The following VPS13D variants were observed in gnomAD, a reference collection of about 807,000 sequenced individuals.
VPS13D encodes the protein intermembrane lipid transfer protein VPS13D.
VPS13D carries 187 observed loss-of-function variants against 461.9 expected under a neutral mutation model. That is an observed-to-expected ratio of 0.40 (90% CI 0.36 to 0.46). The LOEUF is 0.46. VPS13D is among the 20% of genes least tolerant of loss of function. The probability of loss-of-function intolerance (pLI) is 0.60; values close to 1 mark genes in which losing one functional copy is unlikely to be tolerated. For missense variants in VPS13D, 4,711 were observed against 5,364.9 expected (o/e 0.88, Z 3.81); for synonymous variants, 1,951 against 1,986.3 (o/e 0.98, Z 0.47).
At position 12,362,706 on chromosome 1, in the gene VPS13D, C is replaced by T. The variant is rs201105130; in HGVS notation, c.10142-14C>T. The T allele has an allele frequency of 3.6e-4, 581 of 1,611,848 alleles. No homozygotes were observed. The highest frequency in any genetic ancestry group is 4.8e-4 in the Non-Finnish European group (569 of 1,179,160). On this transcript the variant is annotated splice_polypyrimidine_tract_variant and intron_variant, in intron 50 of 69. Coordinates refer to ENST00000620676, the MANE Select transcript of VPS13D (RefSeq NM_015378.4). ...TCATGGTTAACTCATAAAAGTGGTT[C>T]TTGTTATTTGTAGGTATTGATGTCA...
intron 25 of VPS13D, among the ~76,000 whole-genome samples, chr1:12,302,145 A>G (rs992841466): frequency 6.6e-6 from 1 of 152,210 alleles, no homozygotes; most frequent in African/African-American, 2.4e-5. Context: ...ACATATCTAA[A>G]TATAGAAAAG....
intron 27 of VPS13D, among the ~76,000 whole-genome samples, chr1:12,310,912 C>T (rs4997075): frequency 0.035 from 4,073 of 117,844 alleles, 131 homozygotes; most frequent in African/African-American, 0.1. Context: ...TCCCTCCTTC[C>T]CTCCCTCTCT....
intron 65 of VPS13D, among the ~76,000 whole-genome samples, chr1:12,418,047 C>T (rs1441039022): frequency 6.6e-6 from 1 of 152,182 alleles, no homozygotes; most frequent in Non-Finnish European, 1.5e-5. Flanking sequence ...GCTGGGATTA[C>T]AGGTGCCCGG....
At chr1:12,485,316 G>C (rs1434449126) in intron 67 of VPS13D, among the ~76,000 whole-genome samples, 4 of 152,196 alleles carry the variant, frequency 2.6e-5, no homozygotes, top group Non-Finnish European at 5.9e-5. Context: ...TGCAATGCAC[G>C]CAAACTGAAA....
At chr1:12,360,132 T>A (rs1192589153) in intron 50 of VPS13D, among the ~76,000 whole-genome samples, 1 of 152,234 alleles carries the variant, frequency 6.6e-6, no homozygotes, top group Non-Finnish European at 1.5e-5. Context: ...CTAAAGCTCA[T>A]GGCATATGTT....
At chr1:12,462,042 C>A (rs879918250) in intron 67 of VPS13D, among the ~76,000 whole-genome samples, 10 of 152,104 alleles carry the variant, frequency 6.6e-5, no homozygotes, top group Non-Finnish European at 1.5e-4. Context: ...TTATTCATTG[C>A]CTGTCAGTAA....
intron 67 of VPS13D, among the ~76,000 whole-genome samples, chr1:12,494,406 C>T (rs183630008): frequency 6.6e-6 from 1 of 152,216 alleles, no homozygotes; most frequent in African/African-American, 2.4e-5. Context: ...TGAGGGAGTC[C>T]ACTGAGTCAG....
chr1:12,258,476 G>A (rs538467932), intron 10 of VPS13D, among the ~76,000 whole-genome samples: 8 of 152,170 alleles, frequency 5.3e-5, no homozygotes, highest in Non-Finnish European at 1.0e-4. Context: ...TTTGGCCTAC[G>A]TTTTCTATAA....
At chr1:12,425,415 T>C (rs1644912543) in intron 65 of VPS13D, among the ~76,000 whole-genome samples, 1 of 152,014 alleles carries the variant, frequency 6.6e-6, no homozygotes, top group African/African-American at 2.4e-5. Context: ...AAAAATTAGC[T>C]AAGCGTGGTG....
In VPS13D at chr1:12,283,764, A is replaced by G. The variant is rs747921346; in HGVS notation, c.5634+28A>G. On this transcript the variant is annotated intron_variant, in intron 21 of 69. Transcript: ENST00000620676. Reference sequence around the variant, plus strand: ...ATCCTCAGTTCCCTTTGGCTCCCTTAAGCTCTAAAAATGGATTTGGGCTTG... The same window carrying G: ...ATCCTCAGTTCCCTTTGGCTCCCTTGAGCTCTAAAAATGGATTTGGGCTTG... The G allele has an allele frequency of 5.1e-6, 8 of 1,568,318 alleles. No individual in the cohort carries two copies. The South Asian group carries it at 8.1e-5, about 16-fold the overall frequency.
At chr1:12,379,717 T>TA (rs1047771458) in intron 57 of VPS13D, 121 bp downstream of exon 57, 3 of 623,664 alleles carry the variant, frequency 4.8e-6, no homozygotes, top group African/African-American at 3.8e-5. Context: ...GAGCAATACT[T>TA]ATTCTATTCC....
At chr1:12,361,800 A>AT (rs1643954932) in intron 50 of VPS13D, among the ~76,000 whole-genome samples, 1 of 151,840 alleles carries the variant, frequency 6.6e-6, no homozygotes, top group Non-Finnish European at 1.5e-5. Context: ...CTGTTTTCTT[A>AT]TTTTTTCCTA....
At chr1:12,435,932 C>T (rs1645054779) in intron 65 of VPS13D, among the ~76,000 whole-genome samples, 1 of 152,118 alleles carries the variant, frequency 6.6e-6, no homozygotes, top group Non-Finnish European at 1.5e-5. Context: ...GTCTGAGACA[C>T]TTAGTGAAGG....
chr1:12,248,286 G>C (rs577328189), intron 5 of VPS13D, among the ~76,000 whole-genome samples: 3 of 152,148 alleles, frequency 2.0e-5, no homozygotes, highest in African/African-American at 7.2e-5. Context: ...AGATTTGCAA[G>C]TACTTTCTCC....
chr1:12,479,963 G>A (rs1006738091), intron 67 of VPS13D, among the ~76,000 whole-genome samples: 1 of 152,174 alleles, frequency 6.6e-6, no homozygotes, highest in Non-Finnish European at 1.5e-5. Flanking sequence ...TAGCTGGGAA[G>A]CTTGGAAGGG....
In VPS13D at chr1:12,308,571, C is replaced by T. The variant is rs1420198859; in HGVS notation, c.6580C>T (p.Arg2194Ter). 1.9e-6 allele frequency: 3 copies of T among 1,612,914 alleles called. No individual in the cohort carries two copies. The highest frequency in any genetic ancestry group is 1.1e-5 in the South Asian group (1 of 91,034). ...GDLIFPSYFV[R>*]QTGGSLLTEP... ...TCTGATCTTCCCTTCCTATTTTGTGCGACAGACAGGAGGAAGCCTCTTAAC... is the reference window on the plus strand; with the variant it reads ...TCTGATCTTCCCTTCCTATTTTGTGTGACAGACAGGAGGAAGCCTCTTAAC... Residue 2194 changes from arginine (R) to a stop codon, truncating the protein, a stop_gained, in exon 27 of 70, where the codon CGA (arginine) becomes TGA (stop). Coordinates refer to ENST00000620676, the MANE Select transcript of VPS13D (RefSeq NM_015378.4). LOFTEE classifies it high-confidence loss of function.
rs1255865154 is a variant in VPS13D at position 12,277,247 on chromosome 1, T to C, written c.3659T>C (p.Leu1220Ser). The C allele has an allele frequency of 1.9e-6, 3 of 1,614,250 alleles. No homozygotes were observed. The highest frequency in any genetic ancestry group is 2.7e-5 in the African/African-American group (2 of 75,062). Residue 1220 changes from leucine to serine, a missense_variant, in exon 19 of 70, where the codon TTA becomes TCA. Leu to Ser is a moderately radical substitution (Grantham distance 145, BLOSUM62 -2). Transcript: ENST00000620676. The part of the protein sequence containing the change: ...TFDMNGSLGC[L>S]QLMDLTQDNV... ...GACATGAATGGTTCTCTTGGCTGTTTACAGCTTATGGATTTGACACAAGAT... is the reference window on the plus strand; with the variant it reads ...GACATGAATGGTTCTCTTGGCTGTTCACAGCTTATGGATTTGACACAAGAT...
chr1:12,401,643 A>T lies in VPS13D; in HGVS notation c.11820A>T (p.Gln3940His). 2 of 1,613,562 alleles carry T rather than the reference A, an allele frequency of 1.2e-6. No homozygotes were observed. Among genetic ancestry groups the T allele is most frequent in the Non-Finnish European group, 1.7e-6 (2 of 1,179,564 alleles). The change falls in exon 62 of 70, where the codon CAA becomes CAT. Residue 3940 changes from glutamine (Q) to histidine (H), a missense_variant. Gln to His is a conservative substitution (Grantham distance 24). Coordinates refer to ENST00000620676, the MANE Select transcript of VPS13D (RefSeq NM_015378.4). ...TCACAGCTCAGAGATTCACAGTGCA[A>T]ATTGAGGAGAAACTGCTCCTCAAGC... ...LMITAQRFTV[Q>H]IEEKLLLKLL...
At chr1:12,412,639 A>G (rs1444789629) in intron 63 of VPS13D, among the ~76,000 whole-genome samples, 2 of 152,262 alleles carry the variant, frequency 1.3e-5, no homozygotes, top group African/African-American at 4.8e-5. Context: ...GTACATAAAA[A>G]TAAATTCTAG....
Sources: gnomAD v4.1 joint callset for allele counts (sites outside exome capture counted in the v4.1 genomes callset) on GRCh38, gnomAD v4.1.1 for gene constraint, MANE v1.5 for transcripts, NCBI Gene and HGNC (gene_info 2026-07-23, HGNC 2026-07-21) for gene names.